The following ST8SIA1 variants were observed in gnomAD, a reference collection of about 807,000 sequenced individuals.
The protein encoded by ST8SIA1 is alpha-N-acetylneuraminide alpha-2,8-sialyltransferase.
In ST8SIA1, 16 loss-of-function variants were observed where a neutral mutation model predicts 35.9. The ratio of observed to expected loss-of-function variants is 0.45; its 90% confidence interval spans 0.30 to 0.68. The LOEUF is 0.68. Ranked by LOEUF, ST8SIA1 falls within the 30% of genes least tolerant of loss-of-function variation. ST8SIA1 has a pLI of 0.09. For synonymous variants in ST8SIA1, 170 were observed against 169.6 expected, an observed-to-expected ratio of 1.00 and a Z score of -0.02; for missense variants, 383 against 453.6, an observed-to-expected ratio of 0.84 and a Z score of 1.41.
chr12:22,328,383 C>A (rs1006490384), intron 1 of ST8SIA1, among the ~76,000 whole-genome samples: 1 of 152,172 alleles, frequency 6.6e-6, no homozygotes, highest in Non-Finnish European at 1.5e-5. Flanking sequence ...AAGAATGAGG[C>A]ACAGTTCCTG....
intron 4 of ST8SIA1, among the ~76,000 whole-genome samples, chr12:22,247,984 T>C (rs965637084): frequency 6.6e-6 from 1 of 152,228 alleles, no homozygotes; most frequent in African/African-American, 2.4e-5. Flanking sequence ...TAGAATATAA[T>C]GTATCCTTTT....
At position 22,321,286 on chromosome 12, in the gene ST8SIA1, A is replaced by G. The variant is rs113173776; in HGVS notation, c.236+12711T>C. The stretch of plus-strand genomic sequence containing the variant: ...TCTCCCTGTGGATGGAGTGTTTATC[A>G]GGACCCCACCTAAGAGGGCTGCCCG... On this transcript the variant is annotated intron_variant, in intron 1 of 4. Transcript: ENST00000396037. 2.2e-4 allele frequency among the ~76,000 whole-genome samples: 33 copies of G among 151,842 alleles called. 1 individual carries two copies. Among genetic ancestry groups the G allele is most frequent in the African/African-American group, 7.8e-4 (32 of 41,266 alleles).
chr12:22,326,970 T>C (rs1410925283), intron 1 of ST8SIA1, among the ~76,000 whole-genome samples: 1 of 152,110 alleles, frequency 6.6e-6, no homozygotes, highest in African/African-American at 2.4e-5. Flanking sequence ...TATACTAACT[T>C]ACATAATTAT....
chr12:22,318,876 G>T (rs1028896993), intron 1 of ST8SIA1, among the ~76,000 whole-genome samples: 6 of 152,156 alleles, frequency 3.9e-5, no homozygotes, highest in Admixed American at 3.9e-4. Flanking sequence ...AGCACAGTAA[G>T]GAAGTTTGCG....
At chr12:22,202,137 A>G in intron 4 of ST8SIA1, 99 bp from the exon 5 acceptor site, 3 of 1,044,602 alleles carry the variant, frequency 2.9e-6, no homozygotes, top group East Asian at 2.5e-5. Context: ...ACCTCAAATC[A>G]TCTCAATGAA....
At chr12:22,290,932 T>C (rs1037497808) in intron 1 of ST8SIA1, among the ~76,000 whole-genome samples, 16 of 152,218 alleles carry the variant, frequency 1.1e-4, no homozygotes, top group Admixed American at 5.2e-4. Flanking sequence ...CATGTTCAAA[T>C]TGCCAGATCA....
chr12:22,239,247 TA>T (rs761823148), intron 4 of ST8SIA1, among the ~76,000 whole-genome samples: 60 of 152,368 alleles, frequency 3.9e-4, no homozygotes, highest in Admixed American at 1.6e-3. Flanking sequence ...CATTACTTTT[TA>T]CTTATGGATC....
At chr12:22,323,977 C>T (rs188771980) in intron 1 of ST8SIA1, among the ~76,000 whole-genome samples, 2 of 151,442 alleles carry the variant, frequency 1.3e-5, no homozygotes, top group Non-Finnish European at 2.9e-5. Context: ...AACAAACCTG[C>T]ATATACTGCA....
intron 4 of ST8SIA1, among the ~76,000 whole-genome samples, chr12:22,206,932 A>T (rs1361144849): frequency 6.6e-6 from 1 of 152,366 alleles, no homozygotes; most frequent in East Asian, 1.9e-4. Context: ...ATATAAAAAG[A>T]AAAGGCATTT....
In ST8SIA1 at chr12:22,200,485, T is replaced by G. The variant is rs1865037686; in HGVS notation, c.*1067A>C. The G allele has an allele frequency of 6.6e-6, 1 of 152,246 alleles. No individual in the cohort carries two copies. The highest frequency in any genetic ancestry group is 2.4e-5 in the African/African-American group (1 of 41,468). 9.4% of individuals were successfully genotyped at this position (152,246 alleles called of 1,614,324 possible). A position where few individuals can be genotyped will look rare whatever the true frequency, so the allele number is the denominator to read the frequency against. On this transcript the variant is annotated 3_prime_UTR_variant, in exon 5 of 5. Coordinates refer to ENST00000396037, the MANE Select transcript of ST8SIA1 (RefSeq NM_003034.4). The stretch of plus-strand genomic sequence containing the variant: ...TGGTATACTAGTAAAAATGTATTCT[T>G]TTTTAGGTAACTACTAAATAACAAT...
chr12:22,295,039 G>T (rs1253168208), intron 1 of ST8SIA1, among the ~76,000 whole-genome samples: 1 of 152,140 alleles, frequency 6.6e-6, no homozygotes. Context: ...GCCTAGTGCT[G>T]TTCTAGGCAC....
chr12:22,235,708 T>C (rs1865469184), intron 4 of ST8SIA1, among the ~76,000 whole-genome samples: 1 of 152,160 alleles, frequency 6.6e-6, no homozygotes, highest in South Asian at 2.1e-4. Flanking sequence ...GCTTTGTAAG[T>C]CAAAAGGTTG....
chr12:22,313,642 C>T (rs1164085556), intron 1 of ST8SIA1, among the ~76,000 whole-genome samples: 2 of 152,160 alleles, frequency 1.3e-5, no homozygotes, highest in East Asian at 1.9e-4. Flanking sequence ...GGAACGTATA[C>T]TTAATTGCAC....
chr12:22,235,354 T>A (rs1397104177), intron 4 of ST8SIA1, among the ~76,000 whole-genome samples: 1 of 152,036 alleles, frequency 6.6e-6, no homozygotes, highest in Non-Finnish European at 1.5e-5. Flanking sequence ...ATCTACAGGG[T>A]TTCTATTCTC....
At chr12:22,259,621 A>G (rs1591837393) in intron 2 of ST8SIA1, among the ~76,000 whole-genome samples, 1 of 151,910 alleles carries the variant, frequency 6.6e-6, no homozygotes. Context: ...ACCCGCTACC[A>G]TGCCCGGCTA....
At chr12:22,260,088 A>T (rs938186647) in intron 2 of ST8SIA1, among the ~76,000 whole-genome samples, 1 of 152,188 alleles carries the variant, frequency 6.6e-6, no homozygotes, top group Non-Finnish European at 1.5e-5. Context: ...ACCTTAAAAA[A>T]ATCTACTCTA....
At chr12:22,256,622 T>A (rs567993668) in intron 2 of ST8SIA1, among the ~76,000 whole-genome samples, 1 of 152,240 alleles carries the variant, frequency 6.6e-6, no homozygotes, top group Admixed American at 6.5e-5. Flanking sequence ...AAACCAGAAA[T>A]AAAATTCCAG....
chr12:22,309,171 G>T (rs1005887950), intron 1 of ST8SIA1, among the ~76,000 whole-genome samples: 11 of 152,134 alleles, frequency 7.2e-5, no homozygotes, highest in African/African-American at 2.7e-4. Context: ...TGAAAACTAA[G>T]TTCTTGGCCA....
At chr12:22,204,901 T>C (rs971702660) in intron 4 of ST8SIA1, among the ~76,000 whole-genome samples, 1 of 152,190 alleles carries the variant, frequency 6.6e-6, no homozygotes, top group African/African-American at 2.4e-5. Context: ...TATTACAAAA[T>C]TAAGCTGGAA....
Sources: allele counts gnomAD v4.1 joint callset (sites outside exome capture counted in the v4.1 genomes callset), GRCh38; gene constraint gnomAD v4.1.1; transcripts MANE v1.5; gene names NCBI Gene and HGNC (gene_info 2026-07-23, HGNC 2026-07-21).